The following PRKCZ variants were observed in gnomAD, a reference collection of about 807,000 sequenced individuals.
The protein encoded by PRKCZ is protein kinase C zeta type.
In PRKCZ, 33 loss-of-function variants were observed where a neutral mutation model predicts 79.5. The observed-to-expected ratio is 0.41, with a 90% CI of 0.31 to 0.55. PRKCZ has a LOEUF of 0.55. PRKCZ is among the 20% of genes least tolerant of loss of function. PRKCZ has a pLI of 0.19. For synonymous variants in PRKCZ, 342 were observed against 320.9 expected, an observed-to-expected ratio of 1.07 and a Z score of -0.70; for missense variants, 578 against 813.5, an observed-to-expected ratio of 0.71 and a Z score of 3.52.
intron 4 of PRKCZ, among the ~76,000 whole-genome samples, chr1:2,117,213 G>GTGC (rs1411082307): frequency 6.6e-6 from 1 of 152,084 alleles, no homozygotes; most frequent in Non-Finnish European, 1.5e-5. Context: ...GCCTCCTAAG[G>GTGC]TGCTGGGATT....
At chr1:2,169,103 C>T (rs940434321) in intron 10 of PRKCZ, 2 of 455,830 alleles carry the variant, frequency 4.4e-6, no homozygotes, top group African/African-American at 2.0e-5. Flanking sequence ...GAGGCCACCC[C>T]ACCCGTGACC....
intron 3 of PRKCZ, among the ~76,000 whole-genome samples, chr1:2,057,829 C>T (rs535548605): frequency 2.4e-4 from 36 of 152,160 alleles, no homozygotes; most frequent in African/African-American, 2.9e-4. Context: ...CTCAGCCTCC[C>T]GAGTAGCTGG....
At chr1:2,051,339 C>T (rs1659630371) in intron 1 of PRKCZ, among the ~76,000 whole-genome samples, 1 of 152,202 alleles carries the variant, frequency 6.6e-6, no homozygotes, top group African/African-American at 2.4e-5. Flanking sequence ...TCTTGGCCGC[C>T]GCCTCGGGGC....
At chr1:2,102,314 G>GT (rs113018085) in intron 4 of PRKCZ, among the ~76,000 whole-genome samples, 36,068 of 143,582 alleles carry the variant, frequency 0.25, 4,727 homozygotes, top group Admixed American at 0.34. Context: ...TTTTTATTGC[G>GT]TTTTTTTTTT....
Position 2,082,688 on chromosome 1 carries a change from C to T in PRKCZ, c.334+23097C>T, listed in dbSNP as rs559886942. Among the ~76,000 whole-genome samples the T allele has an allele frequency of 1.3e-5, 2 of 152,222 alleles. No individual in the cohort carries two copies. The highest frequency in any genetic ancestry group is 3.9e-4 in the East Asian group (2 of 5,174). On this transcript the variant is annotated intron_variant, in intron 4 of 17. Coordinates refer to ENST00000378567, the MANE Select transcript of PRKCZ (RefSeq NM_002744.6). The surrounding 1 kb of genome is among the most constrained non-coding windows in gnomAD (Gnocchi z 4.4). ...CACGGTCGGCTTCTGAGAGTTGGTC[C>T]CCCCGCCCAACCCTCCCCTGGAGAT... is the stretch of plus-strand genomic sequence containing the variant.
intron 4 of PRKCZ, among the ~76,000 whole-genome samples, chr1:2,066,351 T>C (rs139820762): frequency 3.3e-5 from 5 of 151,274 alleles, no homozygotes; most frequent in African/African-American, 1.2e-4. Flanking sequence ...TGGGAGGTTC[T>C]CTTTCTTTCT....
rs115161441 is a variant in PRKCZ at position 2,124,972 on chromosome 1, C to T, written c.335-10290C>T. Among the ~76,000 whole-genome samples the T allele has an allele frequency of 2.2e-3, 332 of 152,310 alleles. 2 individuals carry two copies. The highest frequency in any genetic ancestry group is 4.1e-3 in the Non-Finnish European group (281 of 68,028). ...CCACATCCTCAGCGCTGTGTCCCCT[C>T]GCAGCTCAGTTCCTGGTTCTGAGTT... On this transcript the variant is annotated intron_variant, in intron 4 of 17. Coordinates refer to ENST00000378567, the MANE Select transcript of PRKCZ (RefSeq NM_002744.6).
In PRKCZ at chr1:2,050,618, G is replaced by C. The variant is rs544403633; in HGVS notation, c.-13G>C. The stretch of plus-strand genomic sequence containing the variant: ...CCGGGGCGCAGCGCTGACGGCGGCG[G>C]GGGGAGCGCGCCATGCCCAGCAGGA... On this transcript the variant is annotated 5_prime_UTR_variant, in exon 1 of 18. Transcript: ENST00000378567. The C allele has an allele frequency of 2.6e-4, 321 of 1,222,476 alleles. 1 individual carries two copies. In the South Asian group the frequency reaches 3.1e-3, roughly 12 times the overall value. The allele number at this position is 1,222,476 out of a possible 1,614,324, so 75.7% of individuals were successfully genotyped here.
chr1:2,108,000 C>A (rs895783162), intron 4 of PRKCZ, among the ~76,000 whole-genome samples: 1 of 152,126 alleles, frequency 6.6e-6, no homozygotes, highest in African/African-American at 2.4e-5. Flanking sequence ...CCCCCAACCC[C>A]GGCAGTGTCA....
chr1:2,147,017 G>C (rs1678688354), intron 7 of PRKCZ, among the ~76,000 whole-genome samples: 1 of 151,698 alleles, frequency 6.6e-6, no homozygotes, highest in Non-Finnish European at 1.5e-5. Flanking sequence ...CAGCCAGCCA[G>C]CCAGCCATCC....
Position 2,107,252 on chromosome 1 carries a change from G to T in PRKCZ, c.335-28010G>T, listed in dbSNP as rs549905731. ...GCCTTCCGTGGCTGTGTGGGCTCCT[G>T]TGCGGAGGCCGCCCCTCTCCCTGGC... On this transcript the variant is annotated intron_variant, in intron 4 of 17. Coordinates refer to ENST00000378567, the MANE Select transcript of PRKCZ (RefSeq NM_002744.6). Among the ~76,000 whole-genome samples the T allele has an allele frequency of 3.9e-4, 60 of 152,346 alleles. 1 individual carries two copies. Among genetic ancestry groups the T allele is most frequent in the South Asian group, 2.9e-3 (14 of 4,834 alleles).
intron 4 of PRKCZ, among the ~76,000 whole-genome samples, chr1:2,070,571 A>C (rs570274187): frequency 6.6e-6 from 1 of 152,254 alleles, no homozygotes; most frequent in South Asian, 2.1e-4. Context: ...CTCTGGATGC[A>C]AGGGTGGCAA....
intron 4 of PRKCZ, among the ~76,000 whole-genome samples, chr1:2,089,099 A>G (rs1665036224): frequency 6.6e-6 from 1 of 152,200 alleles, no homozygotes. Flanking sequence ...TTCCGGGCTC[A>G]TCGTTTCTTT....
chr1:2,061,912 G>A (rs527239832), intron 4 of PRKCZ, among the ~76,000 whole-genome samples: 28 of 152,216 alleles, frequency 1.8e-4, no homozygotes, highest in Non-Finnish European at 3.8e-4. Flanking sequence ...TGTGGTTTTA[G>A]CGCCTGTGGG....
At chr1:2,182,106 T>G (rs1287190433) in intron 16 of PRKCZ, 1 of 296,398 alleles carries the variant, frequency 3.4e-6, no homozygotes, top group Non-Finnish European at 6.8e-6. Context: ...GCCACGTTAG[T>G]AGATGCCATG....
Position 2,144,238 on chromosome 1 carries a change from G to T in PRKCZ, c.449G>T (p.Arg150Met). The T allele has an allele frequency of 6.4e-7, 1 of 1,553,506 alleles. No homozygotes were observed. The change falls in exon 6 of 18, where the codon AGG becomes ATG. Residue 150 changes from arginine (R) to methionine (M), a missense_variant. By Grantham distance (91) the Arg-to-Met change is moderately conservative. This residue lies in a region of PRKCZ where 228 missense variants were observed against 211.6 expected (regional missense o/e 1.08). Coordinates refer to ENST00000378567, the MANE Select transcript of PRKCZ (RefSeq NM_002744.6). ...RRAYCGQCSE[R>M]IWGLARQGYR... ...GCGTACTGCGGTCAGTGCAGCGAGAGGATATGGGGCCTCGCGAGGCAAGGC... is the reference window on the plus strand; with the variant it reads ...GCGTACTGCGGTCAGTGCAGCGAGATGATATGGGGCCTCGCGAGGCAAGGC...
At position 2,074,282 on chromosome 1, in the gene PRKCZ, G is replaced by A. The variant is rs981614864; in HGVS notation, c.334+14691G>A. On this transcript the variant is annotated intron_variant, in intron 4 of 17. Transcript: ENST00000378567. Reference sequence around the variant, plus strand: ...CTCACCCCGAGGACGGATGGTGTGTGGCCCAGGCCTGGTGGATGTGTGGCG... The same window carrying A: ...CTCACCCCGAGGACGGATGGTGTGTAGCCCAGGCCTGGTGGATGTGTGGCG... 2.6e-6 allele frequency: 4 copies of A among 1,549,500 alleles called. No homozygotes were observed. In the African/African-American group the frequency reaches 5.5e-5, roughly 21 times the overall value.
rs58233626 is a variant in PRKCZ at position 2,117,998 on chromosome 1, C to CCTTTTTTTTTTTTTTT, written c.335-17264_335-17263insCTTTTTTTTTTTTTTT. ...TATGAGAGAGATTAGCCTATTATTT[C>CCTTTTTTTTTTTTTTT]TTTTTTTTTTTTTTTTGGAGTCTCA... On this transcript the variant is annotated intron_variant, in intron 4 of 17. Coordinates refer to ENST00000378567, the MANE Select transcript of PRKCZ (RefSeq NM_002744.6). Among the ~76,000 whole-genome samples, 18 of 65,082 alleles carry CCTTTTTTTTTTTTTTT rather than the reference C, an allele frequency of 2.8e-4. 6 individuals carry two copies. The highest frequency in any genetic ancestry group is 3.1e-4 in the African/African-American group (5 of 16,196). 42.7% of individuals were successfully genotyped at this position (65,082 alleles called of 152,430 possible).
intron 4 of PRKCZ, among the ~76,000 whole-genome samples, chr1:2,076,326 T>A (rs951140308): frequency 6.6e-6 from 1 of 152,024 alleles, no homozygotes; most frequent in Non-Finnish European, 1.5e-5. Context: ...CGGCCACTGC[T>A]CCCACCGTCC....
Sources: allele counts gnomAD v4.1 joint callset (sites outside exome capture counted in the v4.1 genomes callset), GRCh38; gene constraint gnomAD v4.1.1; regional missense constraint gnomAD v4.1.1; non-coding constraint Gnocchi (gnomAD v3.1); transcripts MANE v1.5; gene names NCBI Gene and HGNC (gene_info 2026-07-23, HGNC 2026-07-21).